LY96: variants seen among roughly 807,000 people sequenced by gnomAD.
LY96 encodes lymphocyte antigen 96, also known as myeloid differentiation protein-2.
In LY96, 18 loss-of-function variants were observed where a neutral mutation model predicts 18.9. The observed-to-expected ratio is 0.95, with a 90% CI of 0.66 to 1.41. LY96 has a LOEUF of 1.41. Among genes scored for constraint, LY96 ranks in the 40% most tolerant of loss-of-function variants. LY96 has a pLI of 0.00. For missense variants in LY96, 175 were observed against 182.4 expected, an observed-to-expected ratio of 0.96 and a Z score of 0.23; for synonymous variants, 66 against 62.6, an observed-to-expected ratio of 1.06 and a Z score of -0.26.
chr8:73,997,549 C>T (rs1325923790), intron 1 of LY96, among the ~76,000 whole-genome samples: 1 of 152,086 alleles, frequency 6.6e-6, no homozygotes, highest in African/African-American at 2.4e-5. Flanking sequence ...AACTTTATAC[C>T]AAGACCTCCA....
the LY96 span, among the ~76,000 whole-genome samples, chr8:74,093,420 TG>T: frequency 6.6e-6 from 1 of 152,240 alleles, no homozygotes; most frequent in African/African-American, 2.4e-5. Context: ...CAAATATTTT[TG>T]AACTATTGTG....
intron 1 of LY96, among the ~76,000 whole-genome samples, chr8:73,992,821 GTGCTAATTA>G (rs1294251740): frequency 2.1e-5 from 3 of 146,120 alleles, no homozygotes; most frequent in African/African-American, 7.6e-5. Context: ...TTTGTACCAT[GTGCTAATTA>G]TGCCACTGTG....
intron 3 of LY96, among the ~76,000 whole-genome samples, chr8:74,015,944 C>T (rs939489026): frequency 2.6e-5 from 4 of 152,204 alleles, no homozygotes; most frequent in African/African-American, 9.7e-5. Context: ...CCAGCGTGAT[C>T]GACACAGAAG....
At chr8:74,028,624 A>C (rs574297779) in intron 4 of LY96, among the ~76,000 whole-genome samples, 5 of 152,338 alleles carry the variant, frequency 3.3e-5, no homozygotes, top group African/African-American at 9.6e-5. Context: ...TGACATATCT[A>C]GTAATGAGAT....
At chr8:74,044,448 C>T in the LY96 span, among the ~76,000 whole-genome samples, 1 of 152,158 alleles carries the variant, frequency 6.6e-6, no homozygotes, top group South Asian at 2.1e-4. Flanking sequence ...GCCTTGGCCT[C>T]TTAAAGCTGG....
chr8:74,039,199 T>G, the LY96 span, among the ~76,000 whole-genome samples: 2 of 152,246 alleles, frequency 1.3e-5, no homozygotes, highest in Non-Finnish European at 2.9e-5. Flanking sequence ...TATTAAAGTC[T>G]TTTGTTCATT....
intron 3 of LY96, among the ~76,000 whole-genome samples, chr8:74,019,735 C>G (rs367616243): frequency 3.7e-4 from 57 of 152,294 alleles, no homozygotes; most frequent in African/African-American, 1.3e-3. Flanking sequence ...ATCAAGTTGG[C>G]TTCATCCTTG....
chr8:74,035,843 T>A, the LY96 span, among the ~76,000 whole-genome samples: 1 of 152,234 alleles, frequency 6.6e-6, no homozygotes. Flanking sequence ...AAAATCTACC[T>A]ATGACCTGGA....
At chr8:74,007,879 C>T (rs552273317) in intron 2 of LY96, among the ~76,000 whole-genome samples, 2 of 152,316 alleles carry the variant, frequency 1.3e-5, no homozygotes, top group South Asian at 4.1e-4. Flanking sequence ...CCTGCCTCAG[C>T]ACCCCTGGTA....
At chr8:74,094,451 T>C in the LY96 span, among the ~76,000 whole-genome samples, 2 of 152,224 alleles carry the variant, frequency 1.3e-5, no homozygotes, top group Admixed American at 6.5e-5. Flanking sequence ...ACCCTTTATG[T>C]TCTAAGTAGT....
At chr8:74,058,106 T>C in the LY96 span, among the ~76,000 whole-genome samples, 3 of 152,108 alleles carry the variant, frequency 2.0e-5, no homozygotes, top group Non-Finnish European at 4.4e-5. Flanking sequence ...GAGACTCCTA[T>C]GACTCTAGCA....
chr8:74,045,640 T>C, the LY96 span, among the ~76,000 whole-genome samples: 8 of 152,122 alleles, frequency 5.3e-5, no homozygotes, highest in African/African-American at 1.9e-4. Context: ...TAGGAAACCA[T>C]GAATAGTGCA....
At chr8:73,996,328 C>T (rs1472500311) in intron 1 of LY96, among the ~76,000 whole-genome samples, 4 of 121,406 alleles carry the variant, frequency 3.3e-5, no homozygotes, top group African/African-American at 1.3e-4. Context: ...TTCCTTCCTT[C>T]CTTCCTTCCT....
chr8:74,062,444 G>A, the LY96 span, among the ~76,000 whole-genome samples: 1 of 149,964 alleles, frequency 6.7e-6, no homozygotes, highest in Non-Finnish European at 1.5e-5. Context: ...CCCTCCCTGT[G>A]TCCACGTGTT....
intron 3 of LY96, 72 bp downstream of exon 3, chr8:74,010,201 C>A (rs1183754998): frequency 7.1e-7 from 1 of 1,406,852 alleles, no homozygotes; most frequent in Non-Finnish European, 1.0e-6. Context: ...AAATTAAATA[C>A]ATTGAAAATG....
At chr8:74,026,940 C>CTT (rs1171259241) in intron 4 of LY96, 99 bp downstream of exon 4, 59 of 539,106 alleles carry the variant, frequency 1.1e-4, no homozygotes, top group Admixed American at 1.2e-4. Flanking sequence ...CTTTTTCTTT[C>CTT]TTTTTTTTTT....
At chr8:74,004,742 A>G (rs1459778002) in intron 1 of LY96, 54 bp from the exon 2 acceptor site, 2 of 1,456,680 alleles carry the variant, frequency 1.4e-6, no homozygotes, top group Non-Finnish European at 1.9e-6. Flanking sequence ...AGAATACTAT[A>G]CTTAATGGAG....
rs146077230 is a variant in LY96 at position 74,011,782 on chromosome 8, C to A, written c.331+1653C>A. Among the ~76,000 whole-genome samples, 172 of 151,632 alleles carry A rather than the reference C, an allele frequency of 1.1e-3. 2 individuals carry two copies. In the East Asian group the frequency reaches 0.032, roughly 28 times the overall value. On this transcript the variant is annotated intron_variant, in intron 3 of 4. Coordinates refer to ENST00000284818, the MANE Select transcript of LY96 (RefSeq NM_015364.5). ...GCTGAGGCAGGAGAATCGCTTGAAC[C>A]CAGGAGGTGGAGGTTGCAGTGAGGC...
chr8:74,091,992 C>T, the LY96 span, among the ~76,000 whole-genome samples: 1 of 152,132 alleles, frequency 6.6e-6, no homozygotes, highest in Non-Finnish European at 1.5e-5. Context: ...TCAACCTTTC[C>T]TTAGAATAAG....
Sources: allele counts gnomAD v4.1 joint callset (sites outside exome capture counted in the v4.1 genomes callset), GRCh38; gene constraint gnomAD v4.1.1; transcripts MANE v1.5; gene names NCBI Gene and HGNC (gene_info 2026-07-23, HGNC 2026-07-21).